Variants in FHOD3 observed in about 807,000 individuals in gnomAD.
FHOD3 encodes FH1/FH2 domain-containing protein 3.
Under a neutral mutation model 173.0 loss-of-function variants are expected in FHOD3, and 90 were observed. That is an observed-to-expected ratio of 0.52 (90% CI 0.44 to 0.62). The LOEUF is 0.62. Ranked by LOEUF, FHOD3 falls within the 20% of genes least tolerant of loss-of-function variation. The pLI, the probability that FHOD3 is intolerant of heterozygous loss-of-function variation, is 0.00. For missense variants in FHOD3, 1,945 were observed against 2,034.7 expected (o/e 0.96, Z 0.85); for synonymous variants, 828 against 823.0 (o/e 1.01, Z -0.10).
intron 3 of FHOD3, among the ~76,000 whole-genome samples, chr18:36,375,657 G>C (rs1009516926): frequency 2.5e-4 from 38 of 152,196 alleles, no homozygotes; most frequent in Admixed American, 2.5e-3. Context: ...ATGAGAGTGT[G>C]GTGGGTGAGC....
intron 2 of FHOD3, among the ~76,000 whole-genome samples, chr18:36,362,898 A>G (rs2046705243): frequency 6.6e-6 from 1 of 152,244 alleles, no homozygotes; most frequent in African/African-American, 2.4e-5. Flanking sequence ...TGCAAAACGT[A>G]TCTGATGGAG....
chr18:36,507,996 A>G (rs1480622501), intron 4 of FHOD3, among the ~76,000 whole-genome samples: 3 of 152,210 alleles, frequency 2.0e-5, no homozygotes, highest in Admixed American at 2.0e-4. Context: ...GTGACTTAAA[A>G]ACACTGTAAT....
At chr18:36,778,135 G>A (rs1460933381) in intron 28 of FHOD3, 1 of 152,234 alleles carries the variant, frequency 6.6e-6, no homozygotes, top group Admixed American at 6.5e-5. Context: ...AGGTCTTTCA[G>A]ATCTTTTGTC....
chr18:36,508,927 C>G (rs2055463319), intron 4 of FHOD3, among the ~76,000 whole-genome samples: 1 of 152,150 alleles, frequency 6.6e-6, no homozygotes, highest in Admixed American at 6.5e-5. Flanking sequence ...TGAGATTCAG[C>G]TAGGTATTAC....
intron 6 of FHOD3, among the ~76,000 whole-genome samples, chr18:36,584,958 AT>A (rs34772726): frequency 6.6e-6 from 1 of 152,162 alleles, no homozygotes; most frequent in African/African-American, 2.4e-5. Flanking sequence ...AAAGATCATC[AT>A]TTTTTGGTAC....
chr18:36,541,523 T>C lies in FHOD3; in HGVS notation c.511+28980T>C, dbSNP rs549949965. On this transcript the variant is annotated intron_variant, in intron 5 of 28. Coordinates refer to ENST00000590592, the MANE Select transcript of FHOD3 (RefSeq NM_001281740.3). ...CAGCCTGGGCAACCGAGCAAGACCT[T>C]ATCTCTACAAAAAATGAAAAAGAAA... Among the ~76,000 whole-genome samples the C allele has an allele frequency of 2.1e-3, 319 of 152,248 alleles. 2 individuals are homozygous for C. The highest frequency in any genetic ancestry group is 7.1e-3 in the African/African-American group (297 of 41,540).
At chr18:36,462,780 A>G (rs1283501228) in intron 3 of FHOD3, among the ~76,000 whole-genome samples, 3 of 152,222 alleles carry the variant, frequency 2.0e-5, no homozygotes, top group African/African-American at 4.8e-5. Context: ...GTGTGCCACT[A>G]TTTGCAGCTA....
At position 36,682,245 on chromosome 18, in the gene FHOD3, G is replaced by T. The variant is rs114241972; in HGVS notation, c.1970+675G>T. 4.2e-3 allele frequency among the ~76,000 whole-genome samples: 638 copies of T among 152,216 alleles called. 8 individuals are homozygous for T. The highest frequency in any genetic ancestry group is 0.015 in the African/African-American group (603 of 41,522). On this transcript the variant is annotated intron_variant, in intron 15 of 28. Transcript: ENST00000590592. Reference sequence around the variant, plus strand: ...TCATCCTCCTTCACACCCATCCCCTGGGCTTCATGCTGTGCTGTGCTTTAT... The same window carrying T: ...TCATCCTCCTTCACACCCATCCCCTTGGCTTCATGCTGTGCTGTGCTTTAT...
intron 3 of FHOD3, among the ~76,000 whole-genome samples, chr18:36,500,790 G>A (rs776646747): frequency 2.6e-5 from 4 of 152,118 alleles, no homozygotes; most frequent in African/African-American, 7.2e-5. Context: ...CTAGTGCCTC[G>A]AACTGTACCC....
intron 5 of FHOD3, among the ~76,000 whole-genome samples, chr18:36,530,702 C>A (rs2146844085): frequency 6.6e-6 from 1 of 152,302 alleles, no homozygotes. Context: ...CTTGTGCATC[C>A]ATGTGATTTT....
chr18:36,550,903 CTCTT>C (rs570939200), intron 5 of FHOD3, among the ~76,000 whole-genome samples: 4 of 152,122 alleles, frequency 2.6e-5, no homozygotes, highest in Non-Finnish European at 4.4e-5. Context: ...ATCTCAACTG[CTCTT>C]TCTTTCTTTC....
At chr18:36,326,616 T>TA (rs575151274) in intron 1 of FHOD3, among the ~76,000 whole-genome samples, 1,852 of 151,288 alleles carry the variant, frequency 0.012, 38 homozygotes, top group African/African-American at 0.042. Flanking sequence ...AAAACATAAT[T>TA]AAAAAAAAAT....
intron 10 of FHOD3, among the ~76,000 whole-genome samples, chr18:36,641,093 C>T (rs972455546): frequency 6.6e-6 from 1 of 152,008 alleles, no homozygotes; most frequent in Non-Finnish European, 1.5e-5. Flanking sequence ...GCCTCTGTGC[C>T]GAACGCTGTG....
At chr18:36,665,645 CAG>C (rs897626065) in intron 14 of FHOD3, among the ~76,000 whole-genome samples, 11 of 152,112 alleles carry the variant, frequency 7.2e-5, no homozygotes, top group Non-Finnish European at 1.5e-4. Flanking sequence ...TTCTTCAAAA[CAG>C]GGTTTTGCAA....
At chr18:36,469,148 T>C (rs2053127451) in intron 3 of FHOD3, among the ~76,000 whole-genome samples, 1 of 152,102 alleles carries the variant, frequency 6.6e-6, no homozygotes, top group Non-Finnish European at 1.5e-5. Flanking sequence ...ATTTTCTGTT[T>C]TACATATACC....
intron 5 of FHOD3, among the ~76,000 whole-genome samples, chr18:36,558,023 T>C (rs1361245250): frequency 3.3e-5 from 5 of 152,228 alleles, no homozygotes; most frequent in Admixed American, 2.6e-4. Flanking sequence ...CTGGTGGGAA[T>C]AGCTGTGTAT....
chr18:36,754,048 G>A (rs2042521407), intron 24 of FHOD3, among the ~76,000 whole-genome samples: 1 of 152,096 alleles, frequency 6.6e-6, no homozygotes, highest in Non-Finnish European at 1.5e-5. Flanking sequence ...GTTTAATGAA[G>A]TCCAGTTTAT....
At chr18:36,759,417 G>T (rs1265250256) in intron 26 of FHOD3, among the ~76,000 whole-genome samples, 1 of 152,176 alleles carries the variant, frequency 6.6e-6, no homozygotes, top group African/African-American at 2.4e-5. Context: ...GGTTTAGCAG[G>T]TCTCTCCCTG....
intron 8 of FHOD3, among the ~76,000 whole-genome samples, chr18:36,608,266 C>T (rs1039100000): frequency 6.6e-6 from 1 of 152,348 alleles, no homozygotes; most frequent in African/African-American, 2.4e-5. Flanking sequence ...TATCAAGATG[C>T]TGGCATCTGG....
Sources: gnomAD v4.1 joint callset for allele counts (sites outside exome capture counted in the v4.1 genomes callset) on GRCh38, gnomAD v4.1.1 for gene constraint, MANE v1.5 for transcripts, NCBI Gene and HGNC (gene_info 2026-07-23, HGNC 2026-07-21) for gene names.